Variants in BCAS4 observed in about 807,000 individuals in gnomAD.
BCAS4 encodes breast carcinoma-amplified sequence 4.
BCAS4 carries 9 observed loss-of-function variants against 15.7 expected under a neutral mutation model. The ratio of observed to expected loss-of-function variants is 0.57; its 90% CI spans 0.34 to 1.00. The LOEUF is 1.00. BCAS4 is among the 50% of genes least tolerant of loss of function. The pLI is 0.02. For missense variants in BCAS4, 225 were observed against 239.1 expected, an observed-to-expected ratio of 0.94 and a Z score of 0.39; for synonymous variants, 101 against 99.5, an observed-to-expected ratio of 1.02 and a Z score of -0.09.
chr20:50,833,210 G>A (rs1333948515), intron 3 of BCAS4, among the ~76,000 whole-genome samples: 7 of 152,152 alleles, frequency 4.6e-5, no homozygotes. Context: ...AAGGATCCTG[G>A]GAAGCCAGGT....
At chr20:50,852,661 T>C (rs888131337) in intron 4 of BCAS4, among the ~76,000 whole-genome samples, 16 of 152,194 alleles carry the variant, frequency 1.1e-4, no homozygotes, top group African/African-American at 3.9e-4. Flanking sequence ...GGATTACAGG[T>C]GTGAACCACT....
chr20:50,852,111 G>A (rs560025501), intron 4 of BCAS4, among the ~76,000 whole-genome samples: 14 of 152,316 alleles, frequency 9.2e-5, no homozygotes, highest in African/African-American at 3.1e-4. Flanking sequence ...TCTCCATTCC[G>A]ACTCTTCAGG....
intron 3 of BCAS4, among the ~76,000 whole-genome samples, chr20:50,836,477 C>G (rs111882567): frequency 6.6e-5 from 10 of 152,330 alleles, no homozygotes; most frequent in African/African-American, 2.4e-4. Flanking sequence ...TGCAGATGCT[C>G]AGCAAGGACA....
At chr20:50,801,028 A>G (rs763662182) in intron 1 of BCAS4, among the ~76,000 whole-genome samples, 1 of 152,208 alleles carries the variant, frequency 6.6e-6, no homozygotes, top group Non-Finnish European at 1.5e-5. Flanking sequence ...GTTACATCCA[A>G]CTTGCAAACA....
intron 1 of BCAS4, among the ~76,000 whole-genome samples, chr20:50,805,087 G>A (rs1380147962): frequency 1.3e-5 from 2 of 152,032 alleles, no homozygotes; most frequent in African/African-American, 4.8e-5. Flanking sequence ...TGTTTAAGCA[G>A]CATTATTGAG....
intron 4 of BCAS4, among the ~76,000 whole-genome samples, chr20:50,860,696 C>T (rs533918587): frequency 5.7e-4 from 87 of 152,034 alleles, no homozygotes; most frequent in African/African-American, 2.0e-3. Flanking sequence ...GCCAACATGG[C>T]GAAACCCCGT....
chr20:50,835,233 G>A (rs544841238), intron 3 of BCAS4, among the ~76,000 whole-genome samples: 41 of 149,588 alleles, frequency 2.7e-4, no homozygotes, highest in South Asian at 1.1e-3. Context: ...ACTCCCACCC[G>A]CAACTACTAT....
intron 3 of BCAS4, among the ~76,000 whole-genome samples, chr20:50,832,114 C>T (rs75641602): frequency 6.6e-6 from 1 of 152,072 alleles, no homozygotes; most frequent in African/African-American, 2.4e-5. Context: ...GAGAGACCCT[C>T]AGCAGGGTAT....
At chr20:50,872,394 C>A (rs1479978885) in intron 4 of BCAS4, among the ~76,000 whole-genome samples, 1 of 151,370 alleles carries the variant, frequency 6.6e-6, no homozygotes, top group Non-Finnish European at 1.5e-5. Flanking sequence ...CACAGTGAAA[C>A]CCCATCTCTA....
chr20:50,841,912 G>T lies in BCAS4; in HGVS notation c.399+12G>T. Reference sequence around the variant, plus strand: ...CCTCCTTCAGGAACGTGAGTATCCTGCCCCGAGAAGTGAGGGGAGGGCCTC... The same window carrying T: ...CCTCCTTCAGGAACGTGAGTATCCTTCCCCGAGAAGTGAGGGGAGGGCCTC... On this transcript the variant is annotated intron_variant, in intron 4 of 4. Transcript: ENST00000371608. 3 of 1,550,680 alleles carry T rather than the reference G, an allele frequency of 1.9e-6. No homozygotes were observed. The highest frequency in any genetic ancestry group is 2.6e-6 in the Non-Finnish European group (3 of 1,147,388).
chr20:50,869,187 G>T (rs1035470884), intron 4 of BCAS4, among the ~76,000 whole-genome samples: 5 of 152,178 alleles, frequency 3.3e-5, no homozygotes, highest in African/African-American at 1.2e-4. Context: ...TGTGTAGTAG[G>T]CATGGTTGTT....
At chr20:50,872,229 A>G (rs1385209206) in intron 4 of BCAS4, among the ~76,000 whole-genome samples, 2 of 129,972 alleles carry the variant, frequency 1.5e-5, no homozygotes, top group Non-Finnish European at 3.1e-5. Context: ...GCACCATTGC[A>G]TTCCAGCCTG....
At chr20:50,881,588 A>G (rs1394982925), downstream of BCAS4, 1 of 152,242 alleles carries the variant, frequency 6.6e-6, no homozygotes, top group East Asian at 1.9e-4. Context: ...ATGTATGCCA[A>G]TAAGTATGGA....
At chr20:50,798,916 T>C (rs77656577) in intron 1 of BCAS4, among the ~76,000 whole-genome samples, 9,053 of 152,266 alleles carry the variant, frequency 0.059, 446 homozygotes, top group African/African-American at 0.13. Flanking sequence ...GAGGCTCTCA[T>C]GGCATAAATG....
At chr20:50,875,292 G>A (rs1979865162) in intron 4 of BCAS4, among the ~76,000 whole-genome samples, 1 of 151,896 alleles carries the variant, frequency 6.6e-6, no homozygotes, top group African/African-American at 2.4e-5. Flanking sequence ...GCCTGCAGGA[G>A]CCCGCCAGCC....
At chr20:50,865,695 C>A (rs938124284) in intron 4 of BCAS4, among the ~76,000 whole-genome samples, 2 of 152,196 alleles carry the variant, frequency 1.3e-5, no homozygotes, top group Admixed American at 1.3e-4. Context: ...CCCATGTCCA[C>A]CAGCTGCTGT....
At chr20:50,834,238 C>G (rs2088379010) in intron 3 of BCAS4, among the ~76,000 whole-genome samples, 2 of 151,450 alleles carry the variant, frequency 1.3e-5, no homozygotes, top group South Asian at 4.2e-4. Context: ...TTCATTCATT[C>G]ATTGTAGAGA....
intron 4 of BCAS4, among the ~76,000 whole-genome samples, chr20:50,852,584 G>A (rs533859800): frequency 2.0e-5 from 3 of 152,280 alleles, no homozygotes; most frequent in African/African-American, 7.2e-5. Flanking sequence ...GTTTTGCCAT[G>A]TTAGCCAGGC....
intron 4 of BCAS4, chr20:50,875,867 G>A (rs956646698): frequency 3.8e-5 from 17 of 442,428 alleles, no homozygotes; most frequent in African/African-American, 1.2e-4. Context: ...GTCACGTGTC[G>A]GTATAGGTCC....
Sources: gnomAD v4.1 joint callset for allele counts (sites outside exome capture counted in the v4.1 genomes callset) on GRCh38, gnomAD v4.1.1 for gene constraint, MANE v1.5 for transcripts, NCBI Gene and HGNC (gene_info 2026-07-23, HGNC 2026-07-21) for gene names.